The following CSMD1 variants were observed in gnomAD, a reference collection of about 807,000 sequenced individuals.
CSMD1 encodes the protein CUB and Sushi multiple domains 1.
CSMD1 carries 213 observed loss-of-function variants against 417.5 expected under a neutral mutation model. That is an observed-to-expected ratio of 0.51 (90% CI 0.46 to 0.57). CSMD1 has a LOEUF of 0.57. Among genes scored for constraint, CSMD1 ranks in the 20% least tolerant of loss-of-function variants. The pLI, the probability that CSMD1 is intolerant of heterozygous loss-of-function variation, is 0.00. For missense variants in CSMD1, 6,923 were observed against 4,529.7 expected (o/e 1.53, Z -15.17); for synonymous variants, 2,862 against 1,736.8 (o/e 1.65, Z -16.11).
At chr8:4,029,147 C>G (rs931548936) in intron 4 of CSMD1, among the ~76,000 whole-genome samples, 1 of 152,070 alleles carries the variant, frequency 6.6e-6, no homozygotes. Flanking sequence ...AAGGAGGCAA[C>G]AGGGCTAGAA....
intron 3 of CSMD1, among the ~76,000 whole-genome samples, chr8:4,401,304 T>A (rs1804629781): frequency 6.6e-6 from 1 of 152,170 alleles, no homozygotes; most frequent in Non-Finnish European, 1.5e-5. Context: ...TTTTATAATA[T>A]TTCTACAGGA....
chr8:3,806,034 T>C (rs974095535), intron 5 of CSMD1, among the ~76,000 whole-genome samples: 31 of 152,310 alleles, frequency 2.0e-4, no homozygotes, highest in African/African-American at 7.2e-4. Flanking sequence ...TCATTGCACA[T>C]TAACTTCTTC....
At chr8:4,441,190 C>T (rs1038285534) in intron 2 of CSMD1, among the ~76,000 whole-genome samples, 1 of 133,414 alleles carries the variant, frequency 7.5e-6, no homozygotes, top group East Asian at 2.4e-4. Flanking sequence ...TCTCAAACTC[C>T]TGGGATCAAG....
intron 3 of CSMD1, among the ~76,000 whole-genome samples, chr8:4,213,539 C>A (rs1038772480): frequency 6.6e-6 from 1 of 152,200 alleles, no homozygotes; most frequent in African/African-American, 2.4e-5. Flanking sequence ...ATGACAGACA[C>A]ACAACGTCTA....
chr8:3,767,934 A>T (rs1394031377), intron 5 of CSMD1, among the ~76,000 whole-genome samples: 1 of 152,180 alleles, frequency 6.6e-6, no homozygotes, highest in Non-Finnish European at 1.5e-5. Flanking sequence ...TCCACTTTAC[A>T]TTAATGATGT....
At chr8:3,181,988 G>T (rs907884286) in intron 36 of CSMD1, among the ~76,000 whole-genome samples, 4 of 152,066 alleles carry the variant, frequency 2.6e-5, no homozygotes, top group Non-Finnish European at 4.4e-5. Context: ...CTTTTTTCCT[G>T]ATGTATGTTC....
chr8:2,960,654 G>A (rs970366876), intron 62 of CSMD1, among the ~76,000 whole-genome samples: 5 of 151,840 alleles, frequency 3.3e-5, no homozygotes, highest in Non-Finnish European at 7.4e-5. Context: ...AAGATCATAC[G>A]GAGAACTAAT....
chr8:4,732,361 G>GTA (rs1291741328), intron 1 of CSMD1, among the ~76,000 whole-genome samples: 1 of 148,100 alleles, frequency 6.8e-6, no homozygotes, highest in Non-Finnish European at 1.5e-5. Context: ...GTGTGTGTGT[G>GTA]TGTGTGTGTG....
chr8:3,633,310 G>C (rs539356408), intron 7 of CSMD1, among the ~76,000 whole-genome samples: 16 of 152,140 alleles, frequency 1.1e-4, no homozygotes, highest in Non-Finnish European at 2.2e-4. Context: ...GAAGTGCATC[G>C]TGTCATACAT....
At chr8:3,322,879 C>T (rs192335988) in intron 23 of CSMD1, among the ~76,000 whole-genome samples, 1 of 152,192 alleles carries the variant, frequency 6.6e-6, no homozygotes, top group Non-Finnish European at 1.5e-5. Flanking sequence ...TGGCAAATGC[C>T]TGACTTAGGA....
intron 17 of CSMD1, among the ~76,000 whole-genome samples, chr8:3,390,493 C>A (rs1425906161): frequency 4.0e-5 from 6 of 151,812 alleles, no homozygotes; most frequent in Non-Finnish European, 8.8e-5. Context: ...AGGGCAAAGT[C>A]CTACCTTCTT....
At chr8:4,867,671 A>C (rs552936254) in intron 1 of CSMD1, among the ~76,000 whole-genome samples, 1 of 152,134 alleles carries the variant, frequency 6.6e-6, no homozygotes, top group Non-Finnish European at 1.5e-5. Flanking sequence ...GGTGCTGAGA[A>C]AAGTTATATG....
At chr8:3,391,728 G>C (rs539979582) in intron 17 of CSMD1, among the ~76,000 whole-genome samples, 1 of 152,282 alleles carries the variant, frequency 6.6e-6, no homozygotes, top group African/African-American at 2.4e-5. Context: ...TTGCCTTGTA[G>C]CACCGCTGCA....
chr8:4,737,581 T>C (rs2607550), intron 1 of CSMD1, among the ~76,000 whole-genome samples: 141,018 of 152,278 alleles, frequency 0.93, 65,424 homozygotes, highest in African/African-American at 0.98. Context: ...CAGCAAAGAC[T>C]CACCTTCTTC....
chr8:4,689,812 G>T (rs1409583522), intron 1 of CSMD1, among the ~76,000 whole-genome samples: 1 of 152,100 alleles, frequency 6.6e-6, no homozygotes, highest in South Asian at 2.1e-4. Context: ...TATCTATGGG[G>T]TCACAAAAGT....
At chr8:4,151,752 C>A (rs561104497) in intron 3 of CSMD1, among the ~76,000 whole-genome samples, 1 of 152,262 alleles carries the variant, frequency 6.6e-6, no homozygotes, top group East Asian at 1.9e-4. Flanking sequence ...AAGACTGTAG[C>A]TTTTTCCTAG....
At chr8:3,719,560 T>A (rs1157881416) in intron 6 of CSMD1, among the ~76,000 whole-genome samples, 1 of 152,158 alleles carries the variant, frequency 6.6e-6, no homozygotes. Context: ...TCTTTTGACA[T>A]GTAAGAGCAA....
intron 9 of CSMD1, among the ~76,000 whole-genome samples, chr8:3,576,737 C>G (rs1800166522): frequency 6.6e-6 from 1 of 152,198 alleles, no homozygotes; most frequent in East Asian, 1.9e-4. Context: ...TAATATCTCA[C>G]TCTCTAATGA....
intron 3 of CSMD1, among the ~76,000 whole-genome samples, chr8:4,126,409 C>T (rs142563989): frequency 6.6e-5 from 10 of 152,286 alleles, no homozygotes; most frequent in Non-Finnish European, 1.5e-4. Flanking sequence ...AAACACCCAT[C>T]ACAGGACAGC....
Sources: gnomAD v4.1 joint callset for allele counts (sites outside exome capture counted in the v4.1 genomes callset) on GRCh38, gnomAD v4.1.1 for gene constraint, MANE v1.5 for transcripts, NCBI Gene and HGNC (gene_info 2026-07-23, HGNC 2026-07-21) for gene names.